Variants in C1orf185 observed in about 807,000 individuals in gnomAD.
C1orf185 encodes uncharacterized protein C1orf185.
A neutral mutation model predicts 16.1 loss-of-function variants in C1orf185; 13 were observed. That is an observed-to-expected ratio of 0.81 (90% CI 0.53 to 1.28). The LOEUF (loss-of-function observed/expected upper bound fraction) is 1.28. C1orf185 is among the 50% of genes most tolerant of loss of function. The pLI is 0.00. For missense variants in C1orf185, 220 were observed against 225.2 expected, an observed-to-expected ratio of 0.98 and a Z score of 0.15; for synonymous variants, 80 against 76.9, an observed-to-expected ratio of 1.04 and a Z score of -0.21.
At chr1:51,119,426 G>A (rs1460619367) in intron 3 of C1orf185, among the ~76,000 whole-genome samples, 1 of 152,242 alleles carries the variant, frequency 6.6e-6, no homozygotes, top group Non-Finnish European at 1.5e-5. Flanking sequence ...GTGACAAACT[G>A]ATAGGTTGTC....
intron 3 of C1orf185, among the ~76,000 whole-genome samples, chr1:51,141,379 C>G (rs1646363253): frequency 6.6e-6 from 1 of 152,132 alleles, no homozygotes; most frequent in Non-Finnish European, 1.5e-5. Context: ...TGGTTCCAGC[C>G]ACTTGGGAGG....
At chr1:51,151,459 A>G (rs950015975), downstream of C1orf185, among the ~76,000 whole-genome samples, 4 of 152,280 alleles carry the variant, frequency 2.6e-5, no homozygotes, top group Admixed American at 6.5e-5. Flanking sequence ...GATCTTTTGA[A>G]AAAAAAGTAA....
chr1:51,110,945 G>C (rs939290915), intron 1 of C1orf185, among the ~76,000 whole-genome samples: 2 of 151,784 alleles, frequency 1.3e-5, no homozygotes, highest in Admixed American at 6.6e-5. Context: ...CTCCAGCCTG[G>C]GTGACAGAGC....
intron 3 of C1orf185, 37 bp downstream of exon 3, chr1:51,118,838 A>C: frequency 7.7e-7 from 1 of 1,290,404 alleles, no homozygotes; most frequent in Non-Finnish European, 1.0e-6. Context: ...TTTTCAAATA[A>C]TTTCTTTTGA....
At chr1:51,134,012 G>A (rs1359252062) in intron 3 of C1orf185, among the ~76,000 whole-genome samples, 5 of 152,118 alleles carry the variant, frequency 3.3e-5, no homozygotes, top group Admixed American at 2.6e-4. Flanking sequence ...AACCTGGGAG[G>A]CAGAGGTTGC....
At chr1:51,110,766 A>T (rs1241958758) in intron 1 of C1orf185, among the ~76,000 whole-genome samples, 1 of 151,984 alleles carries the variant, frequency 6.6e-6, no homozygotes, top group Non-Finnish European at 1.5e-5. Context: ...GTCAGGAGTT[A>T]GAGACCAGCG....
rs566013287 is a variant in C1orf185 at position 51,134,620 on chromosome 1, G to C, written c.259-11104G>C. On this transcript the variant is annotated intron_variant, in intron 3 of 4. Coordinates refer to ENST00000371759, the MANE Select transcript of C1orf185 (RefSeq NM_001136508.2). Reference sequence around the variant, plus strand: ...ATAGACCACTAGCTAGACTAACATAGAGGAAAAGAGACTGTTCAAATAAAC... The same window carrying C: ...ATAGACCACTAGCTAGACTAACATACAGGAAAAGAGACTGTTCAAATAAAC... Among the ~76,000 whole-genome samples, 118 of 152,090 alleles carry C rather than the reference G, an allele frequency of 7.8e-4. 1 individual carries two copies. The highest frequency in any genetic ancestry group is 2.7e-3 in the African/African-American group (114 of 41,512).
At chr1:51,115,153 A>G (rs1431277514) in intron 2 of C1orf185, among the ~76,000 whole-genome samples, 1 of 151,940 alleles carries the variant, frequency 6.6e-6, no homozygotes, top group Non-Finnish European at 1.5e-5. Context: ...GAGACCAGTG[A>G]ACAGTGAAAC....
At chr1:51,107,210 C>T (rs1003245318) in intron 1 of C1orf185, 4 of 152,250 alleles carry the variant, frequency 2.6e-5, no homozygotes, top group Non-Finnish European at 2.9e-5. Flanking sequence ...ACTTACCCGC[C>T]ACTCCATAAA....
At chr1:51,112,648 C>A in intron 2 of C1orf185, 79 bp downstream of exon 2, 1 of 1,245,756 alleles carries the variant, frequency 8.0e-7, no homozygotes, top group Non-Finnish European at 1.1e-6. Flanking sequence ...TGGAAGTAAA[C>A]TTAAATAACT....
chr1:51,137,144 A>G (rs1173364664), intron 3 of C1orf185, among the ~76,000 whole-genome samples: 1 of 152,208 alleles, frequency 6.6e-6, no homozygotes, highest in Non-Finnish European at 1.5e-5. Context: ...GTGGCCATGA[A>G]TCATATGAAA....
At chr1:51,123,937 GTA>G (rs763846395) in intron 3 of C1orf185, among the ~76,000 whole-genome samples, 4 of 147,080 alleles carry the variant, frequency 2.7e-5, no homozygotes, top group Middle Eastern at 3.5e-3. Context: ...ATACACACAT[GTA>G]TATATATACA....
At chr1:51,135,092 A>G (rs1174785734) in intron 3 of C1orf185, among the ~76,000 whole-genome samples, 1 of 152,228 alleles carries the variant, frequency 6.6e-6, no homozygotes, top group Non-Finnish European at 1.5e-5. Context: ...TGATGCAACA[A>G]TCCTCAACAA....
chr1:51,125,345 A>G (rs1646232618), intron 3 of C1orf185, among the ~76,000 whole-genome samples: 1 of 152,236 alleles, frequency 6.6e-6, no homozygotes, highest in Non-Finnish European at 1.5e-5. Context: ...GTGAGGACTT[A>G]TAAGAAACAG....
At chr1:51,117,918 A>G (rs574623091) in intron 2 of C1orf185, among the ~76,000 whole-genome samples, 3 of 151,892 alleles carry the variant, frequency 2.0e-5, no homozygotes, top group Admixed American at 6.6e-5. Context: ...TCTTCCTCTT[A>G]TTTATTTATT....
chr1:51,145,301 T>C (rs1413121976), intron 3 of C1orf185, among the ~76,000 whole-genome samples: 1 of 150,336 alleles, frequency 6.7e-6, no homozygotes, highest in Admixed American at 6.6e-5. Context: ...CAAGACCCTG[T>C]CTCTAAAATA....
At chr1:51,103,458 G>T (rs1295928949) in intron 1 of C1orf185, among the ~76,000 whole-genome samples, 1 of 59,614 alleles carries the variant, frequency 1.7e-5, no homozygotes, top group Admixed American at 1.7e-4. Flanking sequence ...CAAAAACCAC[G>T]AAACAAATAA....
chr1:51,147,441 T>C (rs910625920), intron 4 of C1orf185, 26 bp from the exon 5 acceptor site: 6 of 1,473,462 alleles, frequency 4.1e-6, no homozygotes, highest in Admixed American at 2.5e-5. Flanking sequence ...GAATATATAA[T>C]ATTCATAGTA....
chr1:51,131,234 G>A (rs72892492), intron 3 of C1orf185, among the ~76,000 whole-genome samples: 5,599 of 152,262 alleles, frequency 0.037, 289 homozygotes, highest in African/African-American at 0.11. Context: ...GTGAGGTTTA[G>A]GTCAAGGTTC....
Sources: gnomAD v4.1 joint callset for allele counts (sites outside exome capture counted in the v4.1 genomes callset) on GRCh38, gnomAD v4.1.1 for gene constraint, MANE v1.5 for transcripts, NCBI Gene and HGNC (gene_info 2026-07-23, HGNC 2026-07-21) for gene names.